CTH: variants seen among roughly 807,000 people sequenced by gnomAD.
CTH encodes cystathionase (cystathionine gamma-lyase).
A neutral mutation model predicts 50.6 loss-of-function variants in CTH; 41 were observed. That is an observed-to-expected ratio of 0.81 (90% CI 0.63 to 1.05). CTH has a LOEUF of 1.05. Ranked by LOEUF, CTH falls within the 50% of genes least tolerant of loss-of-function variation. The pLI, the probability that CTH is intolerant of heterozygous loss-of-function variation, is 0.00. For missense variants in CTH, 470 were observed against 492.6 expected (o/e 0.95, Z 0.43); for synonymous variants, 156 against 168.9 (o/e 0.92, Z 0.59).
chr1:70,420,588 C>A (rs1348423314), intron 3 of CTH, among the ~76,000 whole-genome samples: 1 of 152,064 alleles, frequency 6.6e-6, no homozygotes, highest in Non-Finnish European at 1.5e-5. Flanking sequence ...TAGCTGGATT[C>A]CTAACAGGCC....
intron 1 of CTH, among the ~76,000 whole-genome samples, chr1:70,413,133 A>G (rs1684007086): frequency 6.6e-6 from 1 of 152,192 alleles, no homozygotes; most frequent in South Asian, 2.1e-4. Context: ...TAAGTTGAGG[A>G]AAATCCTTAC....
At chr1:70,420,063 G>A (rs1338801286) in intron 3 of CTH, among the ~76,000 whole-genome samples, 2 of 151,222 alleles carry the variant, frequency 1.3e-5, no homozygotes, top group African/African-American at 4.9e-5. Flanking sequence ...CACGATCTCG[G>A]CTCACTGCAA....
chr1:70,422,809 A>T (rs1684254961), intron 4 of CTH, among the ~76,000 whole-genome samples: 1 of 151,866 alleles, frequency 6.6e-6, no homozygotes, highest in Admixed American at 6.6e-5. Flanking sequence ...ATGGGGTTTC[A>T]CCTTGTTGGC....
Position 70,421,646 on chromosome 1 carries a change from C to A in CTH, c.427C>A (p.Leu143Ile). Reference sequence around the variant, plus strand: ...TGTTGATTGTTCCAAAATCAAATTACTAGAGGCAGCAATTACACCAGAAAC... The same window carrying A: ...TGTTGATTGTTCCAAAATCAAATTAATAGAGGCAGCAATTACACCAGAAAC... ...SFVDCSKIKL[L>I]EAAITPETKL... The change falls in exon 4 of 12, where the codon CTA (leucine) becomes ATA (isoleucine). Residue 143 changes from leucine to isoleucine, a missense_variant. Transcript: ENST00000370938. 1 of 1,613,936 alleles carries A rather than the reference C, an allele frequency of 6.2e-7. No individual in the cohort carries two copies. The highest frequency in any genetic ancestry group is 8.5e-7 in the Non-Finnish European group (1 of 1,179,918).
rs28941786 is a variant in CTH at position 70,430,388 on chromosome 1, C to T, written c.718C>T (p.Gln240Ter). Residue 240 changes from glutamine to a stop codon, truncating the protein, a stop_gained, in exon 7 of 12, where the codon CAA (glutamine) becomes TAA (stop). Coordinates refer to ENST00000370938, the MANE Select transcript of CTH (RefSeq NM_001902.6). LOFTEE classifies it high-confidence loss of function. ...ESLHNRLRFL[Q>*]NSLGAVPSPI... ...CCTTCATAATAGACTTCGTTTCTTG[C>T]AAAACTGTAAGTATTAAAAAGTGCA... 6.5e-7 allele frequency: 1 copy of T among 1,545,396 alleles called. No homozygotes were observed. The highest frequency in any genetic ancestry group is 1.1e-5 in the South Asian group (1 of 89,720).
At chr1:70,414,609 G>A (rs1684047514) in intron 1 of CTH, among the ~76,000 whole-genome samples, 1 of 152,168 alleles carries the variant, frequency 6.6e-6, no homozygotes, top group African/African-American at 2.4e-5. Flanking sequence ...AGGTGAAAGA[G>A]TGGTTGTGTT....
At chr1:70,436,790 T>TGTGAAATGGGTTTGTTTTTCACAGTA (rs1684608283) in intron 10 of CTH, among the ~76,000 whole-genome samples, 1 of 152,242 alleles carries the variant, frequency 6.6e-6, no homozygotes, top group African/African-American at 2.4e-5. Flanking sequence ...ACACTCAGCA[T>TGTGAAATGGGTTTGTTTTTCACAGTA]GTGAAATGGG....
At position 70,421,559 on chromosome 1, in the gene CTH, G is replaced by C. The variant is rs1415818802; in HGVS notation, c.347-7G>C. On this transcript the variant is annotated splice_polypyrimidine_tract_variant and splice_region_variant and intron_variant, in intron 3 of 11. Coordinates refer to ENST00000370938, the MANE Select transcript of CTH (RefSeq NM_001902.6). Reference sequence around the variant, plus strand: ...TTTTCATTTTATCTGATTCCCTTCTGTCTCAGGTACAAACAGGTACTTCAG... The same window carrying C: ...TTTTCATTTTATCTGATTCCCTTCTCTCTCAGGTACAAACAGGTACTTCAG... 1.2e-6 allele frequency: 2 copies of C among 1,613,022 alleles called. No homozygotes were observed. Among genetic ancestry groups the C allele is most frequent in the Admixed American group, 1.7e-5 (1 of 59,976 alleles).
At chr1:70,425,047 A>T (rs1684317437) in intron 5 of CTH, among the ~76,000 whole-genome samples, 1 of 152,128 alleles carries the variant, frequency 6.6e-6, no homozygotes, top group Non-Finnish European at 1.5e-5. Flanking sequence ...TTATGCATTG[A>T]TTACAAATCA....
intron 1 of CTH, 196 bp downstream of exon 1, chr1:70,411,779 G>A: frequency 1.3e-6 from 1 of 746,336 alleles, no homozygotes; most frequent in Non-Finnish European, 1.6e-6. Context: ...TTGATAAGCA[G>A]GACTGGAAGG....
intron 6 of CTH, 117 bp from the exon 7 acceptor site, chr1:70,430,199 CT>C: frequency 2.8e-6 from 2 of 702,458 alleles, no homozygotes; most frequent in South Asian, 3.2e-5. Context: ...TTTTATAGAG[CT>C]TTTTCCCTGA....
At chr1:70,425,323 G>A (rs989220810) in intron 5 of CTH, among the ~76,000 whole-genome samples, 2 of 152,130 alleles carry the variant, frequency 1.3e-5, no homozygotes, top group Non-Finnish European at 2.9e-5. Flanking sequence ...AAACTGGGTG[G>A]CTTACAAACA....
At chr1:70,435,018 TG>T in intron 9 of CTH, 106 bp from the exon 10 acceptor site, 1 of 1,042,994 alleles carries the variant, frequency 9.6e-7, no homozygotes, top group Middle Eastern at 3.4e-4. Context: ...CCCAAAGTGC[TG>T]GGATTACAGG....
At position 70,438,830 on chromosome 1, in the gene CTH, A is replaced by G; in HGVS notation, c.1191+4A>G. 2 of 1,588,090 alleles carry G rather than the reference A, an allele frequency of 1.3e-6. No individual in the cohort carries two copies. Among genetic ancestry groups the G allele is most frequent in the Non-Finnish European group, 1.7e-6 (2 of 1,173,182 alleles). ...AGATCAAGCTTTGAAGGCAGCAGTA[A>G]GTCTTATTATTGTGTGTGTGTGTGT... On this transcript the variant is annotated splice_donor_region_variant and intron_variant, in intron 11 of 11. Transcript: ENST00000370938.
At chr1:70,421,182 T>C (rs1684211666) in intron 3 of CTH, among the ~76,000 whole-genome samples, 2 of 152,216 alleles carry the variant, frequency 1.3e-5, no homozygotes, top group South Asian at 4.1e-4. Flanking sequence ...ACAAAGTATA[T>C]TGAAATTTAT....
At chr1:70,436,135 A>G (rs1294432284) in intron 10 of CTH, among the ~76,000 whole-genome samples, 2 of 151,042 alleles carry the variant, frequency 1.3e-5, no homozygotes, top group Non-Finnish European at 3.0e-5. Context: ...ACATGGTGAA[A>G]CCCTGTCTCT....
chr1:70,421,798 T>A, intron 4 of CTH, 123 bp downstream of exon 4: 1 of 984,224 alleles, frequency 1.0e-6, no homozygotes, highest in Non-Finnish European at 1.6e-6. Flanking sequence ...ATTGGAAACA[T>A]CAACAAAATT....
At chr1:70,436,237 A>G (rs1275612308) in intron 10 of CTH, among the ~76,000 whole-genome samples, 5 of 152,088 alleles carry the variant, frequency 3.3e-5, no homozygotes, top group Admixed American at 3.3e-4. Flanking sequence ...GCTTGAACCC[A>G]AGTGATGGAG....
chr1:70,430,345 G>C lies in CTH; in HGVS notation c.675G>C (p.Val225=), dbSNP rs764260300. The C allele has an allele frequency of 2.5e-6, 4 of 1,603,556 alleles. No homozygotes were observed. The South Asian group carries it at 4.4e-5, about 18-fold the overall frequency. The change falls in exon 7 of 12, where the codon GTG becomes GTC. Residue 225 remains valine, a synonymous_variant. Coordinates refer to ENST00000370938, the MANE Select transcript of CTH (RefSeq NM_001902.6). ...NGHSDVVMGL[V]SVNCESLHNR... is the part of the protein sequence containing the mutation. ...ACAGTGATGTTGTAATGGGCCTGGT[G>C]TCTGTTAATTGTGAAAGCCTTCATA...
Sources: allele counts gnomAD v4.1 joint callset (sites outside exome capture counted in the v4.1 genomes callset), GRCh38; gene constraint gnomAD v4.1.1; transcripts MANE v1.5; gene names NCBI Gene and HGNC (gene_info 2026-07-23, HGNC 2026-07-21).